SAP130: variants seen among roughly 807,000 people sequenced by gnomAD.
SAP130 encodes the protein histone deacetylase complex subunit SAP130.
In SAP130, 16 loss-of-function variants were observed where a neutral mutation model predicts 103.2. The ratio of observed to expected loss-of-function variants is 0.16; its 90% CI spans 0.10 to 0.24. The LOEUF is 0.24. Ranked by LOEUF, SAP130 falls within the 10% of genes least tolerant of loss-of-function variation. The probability of loss-of-function intolerance (pLI) is 1.00; values close to 1 mark genes in which losing one functional copy is unlikely to be tolerated. For synonymous variants in SAP130, 477 were observed against 497.0 expected (o/e 0.96, Z 0.53); for missense variants, 990 against 1,359.7 (o/e 0.73, Z 4.28).
intron 15 of SAP130, 132 bp downstream of exon 15, chr2:127,977,853 G>A: frequency 4.4e-6 from 3 of 680,604 alleles, no homozygotes; most frequent in Non-Finnish European, 5.1e-6. Flanking sequence ...GATGGCGGCT[G>A]AGAATAGCCA....
At chr2:128,027,894 C>T in intron 1 of SAP130, 46 bp downstream of exon 1, 1 of 980,166 alleles carries the variant, frequency 1.0e-6, no homozygotes, top group Non-Finnish European at 1.2e-6. Flanking sequence ...CCGCCCCGCC[C>T]CCTCGTCTCC....
chr2:128,024,738 GGCATGGTAGC>G (rs1167458360), intron 2 of SAP130, among the ~76,000 whole-genome samples: 1 of 149,594 alleles, frequency 6.7e-6, no homozygotes. Context: ...AAATTACCCA[GGCATGGTAGC>G]GCATGCCTGT....
In SAP130 at chr2:127,949,917, T is replaced by G; in HGVS notation, c.2749A>C (p.Lys917Gln). 1 of 1,614,170 alleles carries G rather than the reference T, an allele frequency of 6.2e-7. No homozygotes were observed. Among genetic ancestry groups the G allele is most frequent in the Non-Finnish European group, 8.5e-7 (1 of 1,180,016 alleles). Residue 917 changes from lysine (K) to glutamine (Q), a missense_variant, in exon 18 of 21, where the codon AAA becomes CAA. By Grantham distance (53) the Lys-to-Gln change is moderately conservative. Transcript: ENST00000643581. ...TLLRHYRNPW[K>Q]AAYHHFQRYS... ...CTCTGAAAGTGGTGGTAAGCAGCTT[T>G]CCAGGGGTTCCGATAGTGACGAAGC...
chr2:127,947,056 G>C lies in SAP130; in HGVS notation c.2798-1497C>G, dbSNP rs1679136372. Among the ~76,000 whole-genome samples, 3 of 151,208 alleles carry C rather than the reference G, an allele frequency of 2.0e-5. 1 individual carries two copies. Among genetic ancestry groups the C allele is most frequent in the South Asian group, 4.2e-4 (2 of 4,722 alleles). ...GAGAGAGAGAAAGGAGGATGGGAGA[G>C]GCAGAGAGACACAGAGAAGAATGCC... On this transcript the variant is annotated intron_variant, in intron 18 of 20. Transcript: ENST00000643581.
chr2:127,974,535 C>A (rs114555865), intron 15 of SAP130, among the ~76,000 whole-genome samples: 1 of 152,098 alleles, frequency 6.6e-6, no homozygotes, highest in Non-Finnish European at 1.5e-5. Context: ...AATTTCTGGC[C>A]GGGCGCGGTG....
At chr2:128,023,238 C>T (rs1685273324) in intron 2 of SAP130, among the ~76,000 whole-genome samples, 1 of 152,150 alleles carries the variant, frequency 6.6e-6, no homozygotes, top group Non-Finnish European at 1.5e-5. Context: ...AGGTGATCTG[C>T]CCACCTCAGC....
chr2:127,994,464 C>T (rs189425621), intron 11 of SAP130, among the ~76,000 whole-genome samples: 3 of 152,284 alleles, frequency 2.0e-5, no homozygotes, highest in South Asian at 2.1e-4. Context: ...TGGTGGCACA[C>T]GCCTATAATC....
rs1172101974 is a variant in SAP130 at position 127,978,086 on chromosome 2, C to T, written c.1962G>A (p.Met654Ile). The T allele has an allele frequency of 4.5e-6, 7 of 1,551,272 alleles. No individual in the cohort carries two copies. In the East Asian group the frequency reaches 1.7e-4, roughly 38 times the overall value. The change falls in exon 15 of 21, where the codon ATG (methionine) becomes ATA (isoleucine). Residue 654 changes from methionine (M) to isoleucine (I), a missense_variant. By Grantham distance (10) the Met-to-Ile change is conservative (BLOSUM62 1). Transcript: ENST00000643581. ...ILRKKPATDGMAVRKTLIPPQ... is the reference protein window; with the variant it reads ...ILRKKPATDGIAVRKTLIPPQ... ...GAGGAATGAGGGTTTTCCGAACTGC[C>T]ATTCTGAAAGAGACAAGAGACAAAC...
rs760362881 is a variant in SAP130 at position 127,996,530 on chromosome 2, C to CT, written c.1214-40dup. On this transcript the variant is annotated intron_variant, in intron 10 of 20. Transcript: ENST00000643581. This position sits in a 1 kb window ranked among gnomAD's most constrained non-coding sequence, Gnocchi z 4.3. The stretch of plus-strand genomic sequence containing the variant: ...ATGCCAATTCCATGACCATTCTACA[C>CT]TTTTTTTTGGCATGCCAAAACATTC... The CT allele has an allele frequency of 2.6e-4, 373 of 1,409,896 alleles. No individual in the cohort carries two copies. The highest frequency in any genetic ancestry group is 3.0e-4 in the Non-Finnish European group (315 of 1,066,658). The allele number at this position is 1,409,896 out of a possible 1,614,324, so 87.3% of individuals were successfully genotyped here.
In SAP130 at chr2:127,989,814, T is replaced by C. The variant is rs749626020; in HGVS notation, c.1530A>G (p.Val510=). The change falls in exon 13 of 21, where the codon GTA becomes GTG. Residue 510 remains valine, a synonymous_variant. Transcript: ENST00000643581. The surrounding 1 kb of genome is among the most constrained non-coding windows in gnomAD (Gnocchi z 4.6). The part of the protein sequence containing the change: ...SAITAQTGVG[V]ASTVHLNPMQ... ...TGGGGTTTAGGTGGACGGTAGACGCTACCCCAACACCAGTCTGAGCTGTGA... is the reference window on the plus strand; with the variant it reads ...TGGGGTTTAGGTGGACGGTAGACGCCACCCCAACACCAGTCTGAGCTGTGA... 6.2e-7 allele frequency: 1 copy of C among 1,614,210 alleles called. No individual in the cohort carries two copies. The highest frequency in any genetic ancestry group is 8.5e-7 in the Non-Finnish European group (1 of 1,180,046).
intron 15 of SAP130, among the ~76,000 whole-genome samples, chr2:127,972,144 T>G (rs1681134053): frequency 6.6e-6 from 1 of 152,170 alleles, no homozygotes; most frequent in South Asian, 2.1e-4. Context: ...CCTCCACAAC[T>G]TCTCTGAAGC....
At chr2:128,007,480 A>C (rs1684058161) in intron 7 of SAP130, among the ~76,000 whole-genome samples, 1 of 152,226 alleles carries the variant, frequency 6.6e-6, no homozygotes, top group African/African-American at 2.4e-5. Context: ...CTGTATATCC[A>C]TTTATACCTT....
chr2:127,985,006 AGAGGATGGT>A (rs1682270926), intron 14 of SAP130, among the ~76,000 whole-genome samples: 1 of 152,252 alleles, frequency 6.6e-6, no homozygotes, highest in Admixed American at 6.5e-5. Flanking sequence ...CAATTTTAAA[AGAGGATGGT>A]TCTCAACTTT....
chr2:128,022,219 T>A (rs1573861858), intron 2 of SAP130, among the ~76,000 whole-genome samples: 1 of 152,256 alleles, frequency 6.6e-6, no homozygotes, highest in Admixed American at 6.5e-5. Context: ...TGTAGTCCTA[T>A]GTATCTGGAT....
In SAP130 at chr2:127,942,417, C is replaced by T; in HGVS notation, c.3015+7G>A. The T allele has an allele frequency of 6.3e-7, 1 of 1,597,462 alleles. No individual in the cohort carries two copies. Among genetic ancestry groups the T allele is most frequent in the Non-Finnish European group, 8.6e-7 (1 of 1,164,780 alleles). On this transcript the variant is annotated splice_region_variant and intron_variant, in intron 20 of 20. Transcript: ENST00000643581. This position sits in a 1 kb window ranked among gnomAD's most constrained non-coding sequence, Gnocchi z 4.8. ...AGATGATCAGAAGGGAAGGGGCGCACTCAAACCTGTATCAGTTCGTTTATT... is the reference window on the plus strand; with the variant it reads ...AGATGATCAGAAGGGAAGGGGCGCATTCAAACCTGTATCAGTTCGTTTATT...
rs752352523 is a variant in SAP130, at chr2:127,950,183, T to C, written c.2648A>G (p.Lys883Arg). 1.9e-6 allele frequency: 3 copies of C among 1,614,096 alleles called. No individual in the cohort carries two copies. The highest frequency in any genetic ancestry group is 2.2e-5 in the East Asian group (1 of 44,900). The change falls in exon 17 of 21, where the codon AAG becomes AGG. Residue 883 changes from lysine (K) to arginine (R), a missense_variant. Around this residue, in one of 6 missense-constraint regions of SAP130, gnomAD observed 61 missense variants for 73.8 expected, o/e 0.83. Transcript: ENST00000643581. ...KSLLVKAEKR[K>R]SPPKEYIDEE... ...ACCAATATACTCCTTGGGAGGAGACTTGCGCTTCTCAGCCTTCACCAGAAG... is the reference window on the plus strand; with the variant it reads ...ACCAATATACTCCTTGGGAGGAGACCTGCGCTTCTCAGCCTTCACCAGAAG...
chr2:128,027,836 C>T, intron 1 of SAP130, 104 bp downstream of exon 1: 2 of 757,620 alleles, frequency 2.6e-6, no homozygotes, highest in South Asian at 5.9e-5. Context: ...GGATCCTCTG[C>T]CCTTCCCCGG....
chr2:127,960,716 AT>A (rs544545409), intron 15 of SAP130, among the ~76,000 whole-genome samples: 148 of 152,284 alleles, frequency 9.7e-4, no homozygotes, highest in African/African-American at 3.5e-3. Flanking sequence ...CCCATCTACT[AT>A]TATCTTCCAC....
At chr2:128,016,220 C>G (rs934722727) in intron 4 of SAP130, among the ~76,000 whole-genome samples, 169 bp downstream of exon 4, 3 of 152,046 alleles carry the variant, frequency 2.0e-5, no homozygotes, top group Non-Finnish European at 4.4e-5. Context: ...GCTTCTACTC[C>G]CTTTACAGTT....
Sources: gnomAD v4.1 joint callset for allele counts (sites outside exome capture counted in the v4.1 genomes callset) on GRCh38, gnomAD v4.1.1 for gene constraint, gnomAD v4.1.1 regional missense constraint, Gnocchi (gnomAD v3.1) non-coding constraint, MANE v1.5 for transcripts, NCBI Gene and HGNC (gene_info 2026-07-23, HGNC 2026-07-21) for gene names.